SHISA6: variants seen among roughly 807,000 people sequenced by gnomAD.
SHISA6 encodes the protein protein shisa-6.
Under a neutral mutation model 47.9 loss-of-function variants are expected in SHISA6, and 22 were observed. That is an observed-to-expected ratio of 0.46 (90% CI 0.33 to 0.66). The LOEUF (loss-of-function observed/expected upper bound fraction) is 0.66, where lower values mean the gene tolerates loss of function less well. Among genes scored for constraint, SHISA6 ranks in the 30% least tolerant of loss-of-function variants. The pLI is 0.02. For missense variants in SHISA6, 680 were observed against 764.6 expected (o/e 0.89, Z 1.30); for synonymous variants, 388 against 337.8 (o/e 1.15, Z -1.63).
chr17:11,308,677 T>C (rs936193892), intron 2 of SHISA6, among the ~76,000 whole-genome samples: 2 of 152,216 alleles, frequency 1.3e-5, no homozygotes, highest in East Asian at 3.9e-4. Context: ...CTCTGCGATC[T>C]CACAGCTGAT....
rs1325281981 is a variant in SHISA6, at chr17:11,546,087, GC to G, written c.896-5807del. Reference sequence around the variant, plus strand: ...CTGTGGGACTAGAAATATAACTGTAGCCATTTTTGGAAAATACAATATGCCC... The same window carrying G: ...CTGTGGGACTAGAAATATAACTGTAGCATTTTTGGAAAATACAATATGCCC... On this transcript the variant is annotated intron_variant, in intron 3 of 5. Coordinates refer to ENST00000441885, the MANE Select transcript of SHISA6 (RefSeq NM_207386.4). Among the ~76,000 whole-genome samples, 3 of 152,234 alleles carry G rather than the reference GC, an allele frequency of 2.0e-5. No individual in the cohort carries two copies. The East Asian group carries it at 5.8e-4, about 29-fold the overall frequency.
chr17:11,494,874 G>A (rs1319688665), intron 3 of SHISA6, among the ~76,000 whole-genome samples: 2 of 152,054 alleles, frequency 1.3e-5, no homozygotes, highest in African/African-American at 4.8e-5. Flanking sequence ...TTGAATCCTG[G>A]ACCAATTACA....
intron 2 of SHISA6, among the ~76,000 whole-genome samples, chr17:11,350,592 C>T (rs1020072348): frequency 6.6e-6 from 1 of 152,034 alleles, no homozygotes; most frequent in African/African-American, 2.4e-5. Flanking sequence ...AGTTCTATCC[C>T]CTCTTCCCTC....
At position 11,465,785 on chromosome 17, in the gene SHISA6, A is replaced by G. The variant is rs186627496; in HGVS notation, c.896-86111A>G. On this transcript the variant is annotated intron_variant, in intron 3 of 5. Coordinates refer to ENST00000441885, the MANE Select transcript of SHISA6 (RefSeq NM_207386.4). ...ACATGGTCACTTTGCAGTGCCCTTG[A>G]GAAGGACACATGGTTTGCACAACTG... Among the ~76,000 whole-genome samples the G allele has an allele frequency of 1.2e-3, 185 of 152,292 alleles. 1 individual carries two copies. The highest frequency in any genetic ancestry group is 4.2e-3 in the African/African-American group (176 of 41,564).
intron 3 of SHISA6, among the ~76,000 whole-genome samples, chr17:11,540,635 T>C (rs2142378552): frequency 6.6e-6 from 1 of 152,344 alleles, no homozygotes; most frequent in African/African-American, 2.4e-5. Context: ...GATGTATATG[T>C]TTCCTGTCTA....
chr17:11,553,256 C>T (rs1260772531), intron 4 of SHISA6, among the ~76,000 whole-genome samples: 2 of 152,114 alleles, frequency 1.3e-5, no homozygotes, highest in Non-Finnish European at 2.9e-5. Flanking sequence ...AGTGGGGGCA[C>T]TCTACACTGA....
chr17:11,536,509 G>A (rs1489077665), intron 3 of SHISA6, among the ~76,000 whole-genome samples: 1 of 152,176 alleles, frequency 6.6e-6, no homozygotes, highest in Non-Finnish European at 1.5e-5. Context: ...GCTATGTCAG[G>A]TGCCTAGATT....
At chr17:11,365,064 T>G (rs1912399784) in intron 2 of SHISA6, among the ~76,000 whole-genome samples, 2 of 152,168 alleles carry the variant, frequency 1.3e-5, no homozygotes, top group African/African-American at 4.8e-5. Context: ...AAGGATATTC[T>G]TGACCACCTC....
chr17:11,350,540 A>G (rs1911853999), intron 2 of SHISA6, among the ~76,000 whole-genome samples: 1 of 151,958 alleles, frequency 6.6e-6, no homozygotes, highest in Non-Finnish European at 1.5e-5. Context: ...TCAGATATCT[A>G]ATCAAACATC....
chr17:11,416,670 A>G (rs974220765), intron 3 of SHISA6, among the ~76,000 whole-genome samples: 9 of 152,222 alleles, frequency 5.9e-5, no homozygotes, highest in African/African-American at 2.2e-4. Context: ...TTAAACACCA[A>G]AGAATATTCA....
chr17:11,557,109 G>A (rs762660886), intron 5 of SHISA6, among the ~76,000 whole-genome samples: 11 of 152,112 alleles, frequency 7.2e-5, no homozygotes, highest in Non-Finnish European at 1.5e-4. Context: ...GGCTGTGTGG[G>A]GACTGGAGGC....
chr17:11,482,424 C>T (rs1217212999), intron 3 of SHISA6, among the ~76,000 whole-genome samples: 1 of 152,154 alleles, frequency 6.6e-6, no homozygotes, highest in Non-Finnish European at 1.5e-5. Context: ...AATACACCGG[C>T]CAACCAAGGT....
intron 1 of SHISA6, among the ~76,000 whole-genome samples, chr17:11,257,632 G>A (rs981677874): frequency 2.0e-5 from 3 of 148,366 alleles, no homozygotes; most frequent in African/African-American, 5.0e-5. Context: ...CTGCACTGCA[G>A]CCTGGGCGAC....
Position 11,515,364 on chromosome 17 carries a change from G to GGAAT in SHISA6, c.896-36531_896-36530insAATG, listed in dbSNP as rs1362724533. 9.4e-5 allele frequency among the ~76,000 whole-genome samples: 14 copies of GGAAT among 149,222 alleles called. No individual in the cohort carries two copies. In the South Asian group the frequency reaches 3.0e-3, roughly 32 times the overall value. On this transcript the variant is annotated intron_variant, in intron 3 of 5. Transcript: ENST00000441885. ...AGGAAGGAAGGAAGGAAGGAAGGAA[G>GGAAT]GGAGAGAAAATGCTCCAAATAACCA...
Position 11,557,775 on chromosome 17 carries a change from A to G in SHISA6, c.1127A>G (p.Tyr376Cys). Residue 376 changes from tyrosine to cysteine, a missense_variant, in exon 6 of 6, where the codon TAT becomes TGT. Around this residue, in one of 2 missense-constraint regions of SHISA6, gnomAD observed 559 missense variants for 674.1 expected, o/e 0.83. Coordinates refer to ENST00000441885, the MANE Select transcript of SHISA6 (RefSeq NM_207386.4). The stretch of plus-strand genomic sequence containing the variant: ...GCAGCCGACAAGGAGGCTGACGAGT[A>G]TTACATGAGACGGCGGCACCTGCCC... ...KRLTDKEADE[Y>C]YMRRRHLPDL... 6.5e-7 allele frequency: 1 copy of G among 1,549,420 alleles called. No homozygotes were observed. Among genetic ancestry groups the G allele is most frequent in the African/African-American group, 1.4e-5 (1 of 73,126 alleles).
intron 3 of SHISA6, among the ~76,000 whole-genome samples, chr17:11,402,420 T>C (rs188171041): frequency 1.1e-4 from 16 of 152,358 alleles, no homozygotes; most frequent in African/African-American, 3.6e-4. Context: ...GTTCTTGAAA[T>C]ATAGTTCTCC....
intron 3 of SHISA6, among the ~76,000 whole-genome samples, chr17:11,551,646 T>C (rs574009237): frequency 1.2e-4 from 19 of 152,268 alleles, no homozygotes; most frequent in Middle Eastern, 3.4e-3. Flanking sequence ...GAAGCCTCTA[T>C]AACTAGTTGG....
chr17:11,375,794 C>T (rs563676011), intron 2 of SHISA6, among the ~76,000 whole-genome samples: 9 of 152,246 alleles, frequency 5.9e-5, no homozygotes, highest in African/African-American at 2.2e-4. Flanking sequence ...TGAGCAGCGA[C>T]TGAGCTAAAA....
intron 3 of SHISA6, among the ~76,000 whole-genome samples, chr17:11,408,612 G>A (rs527988941): frequency 1.3e-5 from 2 of 152,312 alleles, no homozygotes; most frequent in East Asian, 1.9e-4. Context: ...TAGCGGGCAT[G>A]AAGTGTCATC....
Sources: allele counts gnomAD v4.1 joint callset (sites outside exome capture counted in the v4.1 genomes callset), GRCh38; gene constraint gnomAD v4.1.1; regional missense constraint gnomAD v4.1.1; transcripts MANE v1.5; gene names NCBI Gene and HGNC (gene_info 2026-07-23, HGNC 2026-07-21).